The following SMYD3 variants were observed in gnomAD, a reference collection of about 807,000 sequenced individuals.
The protein encoded by SMYD3 is SET and MYND domain containing 3.
SMYD3 carries 36 observed loss-of-function variants against 57.7 expected under a neutral mutation model. The observed-to-expected ratio is 0.62, with a 90% CI of 0.48 to 0.82. The LOEUF is 0.82. Among genes scored for constraint, SMYD3 ranks in the 40% least tolerant of loss-of-function variants. The pLI, the probability that SMYD3 is intolerant of heterozygous loss-of-function variation, is 0.00. For missense variants in SMYD3, 515 were observed against 538.8 expected (o/e 0.96, Z 0.44); for synonymous variants, 211 against 195.0 (o/e 1.08, Z -0.68).
intron 4 of SMYD3, 23 bp from the exon 5 acceptor site, chr1:246,327,360 AGC>A (rs2065373787): frequency 6.3e-7 from 1 of 1,595,980 alleles, no homozygotes; most frequent in African/African-American, 1.4e-5. Context: ...GAAAATAAAT[AGC>A]ACAATCTCAA....
At chr1:246,160,668 C>G (rs575634834) in intron 5 of SMYD3, among the ~76,000 whole-genome samples, 102 of 152,326 alleles carry the variant, frequency 6.7e-4, no homozygotes, top group African/African-American at 2.3e-3. Flanking sequence ...TGGCTGCTGT[C>G]TAACCCCACA....
At chr1:245,934,800 C>G (rs2056909127) in intron 5 of SMYD3, among the ~76,000 whole-genome samples, 1 of 152,164 alleles carries the variant, frequency 6.6e-6, no homozygotes, top group African/African-American at 2.4e-5. Flanking sequence ...TGACCAACTA[C>G]ATTTCCCTTT....
chr1:245,863,676 C>T, intron 9 of SMYD3, 123 bp downstream of exon 9: 1 of 806,898 alleles, frequency 1.2e-6, no homozygotes, highest in South Asian at 1.7e-5. Context: ...GACCATGGAA[C>T]AGAATGAAAA....
chr1:246,301,269 T>A (rs1222880563), intron 5 of SMYD3, among the ~76,000 whole-genome samples: 1 of 152,154 alleles, frequency 6.6e-6, no homozygotes, highest in Non-Finnish European at 1.5e-5. Context: ...TTCGACAGAT[T>A]CAAATCAGCA....
chr1:245,936,823 C>T lies in SMYD3; in HGVS notation c.532-6886G>A, dbSNP rs1320244783. ...CTGAGGCTGCAGTGAGCCATGATCG[C>T]GCCACTGCACTCCAATGACTGTCCC... On this transcript the variant is annotated intron_variant, in intron 5 of 11. Coordinates refer to ENST00000490107, the MANE Select transcript of SMYD3 (RefSeq NM_001167740.2). Among the ~76,000 whole-genome samples, 6 of 151,324 alleles carry T rather than the reference C, an allele frequency of 4.0e-5. No homozygotes were observed. The East Asian group carries it at 1.2e-3, about 29-fold the overall frequency.
chr1:246,254,447 G>A (rs945396567), intron 5 of SMYD3, among the ~76,000 whole-genome samples: 10 of 152,114 alleles, frequency 6.6e-5, no homozygotes, highest in Admixed American at 2.0e-4. Context: ...GATGGCTGTA[G>A]GTGTATGGCT....
intron 5 of SMYD3, among the ~76,000 whole-genome samples, chr1:246,137,687 G>C (rs1206595932): frequency 6.6e-6 from 1 of 152,198 alleles, no homozygotes; most frequent in African/African-American, 2.4e-5. Context: ...CTTAGATCAT[G>C]ATCGATTTTT....
intron 1 of SMYD3, among the ~76,000 whole-genome samples, chr1:246,385,957 C>T (rs1243074933): frequency 3.3e-5 from 5 of 151,948 alleles, no homozygotes; most frequent in Non-Finnish European, 5.9e-5. Flanking sequence ...GGCACGATCT[C>T]GGCTCACTGC....
At chr1:245,811,698 T>G (rs538654718) in intron 10 of SMYD3, among the ~76,000 whole-genome samples, 17 of 152,230 alleles carry the variant, frequency 1.1e-4, no homozygotes, top group Admixed American at 1.1e-3. Context: ...CAGTGAGGAG[T>G]GAACACATCT....
chr1:246,080,182 G>A (rs757821260), intron 5 of SMYD3, among the ~76,000 whole-genome samples: 8 of 137,786 alleles, frequency 5.8e-5, no homozygotes, highest in Non-Finnish European at 9.5e-5. Context: ...CTGCGGACTG[G>A]TACTGGTCCA....
chr1:246,040,062 G>C (rs1296074177), intron 5 of SMYD3, among the ~76,000 whole-genome samples: 6 of 152,212 alleles, frequency 3.9e-5, no homozygotes, highest in Non-Finnish European at 8.8e-5. Flanking sequence ...CTCCCGGCTA[G>C]TATTAAACTG....
At chr1:246,125,250 A>G (rs541953876) in intron 5 of SMYD3, among the ~76,000 whole-genome samples, 167 of 152,292 alleles carry the variant, frequency 1.1e-3, no homozygotes, top group Admixed American at 3.3e-3. Flanking sequence ...TGCATCCCAT[A>G]CCCTTCACAA....
chr1:246,159,765 T>C (rs1383431363), intron 5 of SMYD3, among the ~76,000 whole-genome samples: 1 of 151,802 alleles, frequency 6.6e-6, no homozygotes, highest in African/African-American at 2.4e-5. Flanking sequence ...CCAGGAAGAC[T>C]GTGAGTGAAA....
chr1:245,854,049 T>C (rs892943439), intron 10 of SMYD3, among the ~76,000 whole-genome samples: 1 of 152,172 alleles, frequency 6.6e-6, no homozygotes, highest in African/African-American at 2.4e-5. Context: ...GTCACAAAAG[T>C]GTCATTCCCA....
At chr1:246,182,539 T>TC (rs1301094000) in intron 5 of SMYD3, among the ~76,000 whole-genome samples, 3 of 152,098 alleles carry the variant, frequency 2.0e-5, no homozygotes, top group African/African-American at 7.2e-5. Flanking sequence ...GATATATGAC[T>TC]CCCAGTACAG....
intron 1 of SMYD3, among the ~76,000 whole-genome samples, chr1:246,399,117 G>A (rs1359737329): frequency 2.6e-5 from 4 of 152,118 alleles, no homozygotes; most frequent in Non-Finnish European, 5.9e-5. Flanking sequence ...CGCCTCCCAG[G>A]TTCAAGCGAT....
chr1:245,914,306 G>A (rs986928872), intron 8 of SMYD3, among the ~76,000 whole-genome samples: 5 of 152,158 alleles, frequency 3.3e-5, no homozygotes, highest in African/African-American at 1.2e-4. Flanking sequence ...GTATATCCAA[G>A]GGATACCTGC....
chr1:245,994,648 G>T (rs10802313), intron 5 of SMYD3, among the ~76,000 whole-genome samples: 1 of 151,934 alleles, frequency 6.6e-6, no homozygotes, highest in Non-Finnish European at 1.5e-5. Context: ...TCAGAAATAG[G>T]GGAGGGCCTT....
At chr1:246,010,888 G>A (rs1383475705) in intron 5 of SMYD3, among the ~76,000 whole-genome samples, 1 of 152,230 alleles carries the variant, frequency 6.6e-6, no homozygotes, top group African/African-American at 2.4e-5. Flanking sequence ...AAGGAAAGGT[G>A]TGCTTATCCT....
Sources: gnomAD v4.1 joint callset for allele counts (sites outside exome capture counted in the v4.1 genomes callset) on GRCh38, gnomAD v4.1.1 for gene constraint, MANE v1.5 for transcripts, NCBI Gene and HGNC (gene_info 2026-07-23, HGNC 2026-07-21) for gene names.